ATP1B4: variants seen among roughly 807,000 people sequenced by gnomAD.
ATP1B4 encodes ATPase Na+/K+ transporting family member beta 4.
Under a neutral mutation model 29.6 loss-of-function variants are expected in ATP1B4, and 32 were observed. The observed-to-expected ratio is 1.08, with a 90% CI of 0.82 to 1.45. ATP1B4 has a LOEUF of 1.45. Ranked by LOEUF, ATP1B4 falls within the 40% of genes most tolerant of loss-of-function variation. ATP1B4 has a pLI of 0.00. For missense variants in ATP1B4, 323 were observed against 276.2 expected, an observed-to-expected ratio of 1.17 and a Z score of -1.20; for synonymous variants, 127 against 102.1, an observed-to-expected ratio of 1.24 and a Z score of -1.47.
chrX:120,379,093 C>T (rs2147258272), intron 7 of ATP1B4, among the ~76,000 whole-genome samples: 1 of 111,649 alleles, frequency 9.0e-6, no homozygotes, highest in South Asian at 3.8e-4. Context: ...TACCAATGTG[C>T]TTAAACATGC....
In ATP1B4 at chrX:120,378,792, A is replaced by C. The variant is rs957285658; in HGVS notation, c.912+19A>C. 8.5e-7 allele frequency: 1 copy of C among 1,170,463 alleles called. No individual in the cohort carries two copies. The highest frequency in any genetic ancestry group is 1.2e-6 in the Non-Finnish European group (1 of 859,938). On this transcript the variant is annotated intron_variant, in intron 7 of 7. Transcript: ENST00000218008. ...GACTCACGTAAGCTGTATTCCCTTT[A>C]GTCATTGCTGTCAGAAAGGGCTCAG...
chrX:120,377,361 G>C (rs910029273), intron 6 of ATP1B4, among the ~76,000 whole-genome samples: 1 of 112,491 alleles, frequency 8.9e-6, no homozygotes, highest in African/African-American at 3.2e-5. Context: ...GAAAAGTGAA[G>C]ATGAGCTCTG....
intron 4 of ATP1B4, among the ~76,000 whole-genome samples, chrX:120,374,775 ATATATATATATTATATACCCT>A (rs1569355290): frequency 0.027 from 17 of 623 alleles, 1 homozygote; most frequent in Non-Finnish European, 0.046. Flanking sequence ...TATATATATA[ATATATATATATTATATACCCT>A]TATATATATT....
rs562363505 is a variant in ATP1B4, at chrX:120,364,442, T to C, written c.64-2083T>C. On this transcript the variant is annotated intron_variant, in intron 1 of 7. Coordinates refer to ENST00000218008, the MANE Select transcript of ATP1B4 (RefSeq NM_001142447.3). ...CATCAGGAATTTTAAGTCAGGCAGG[T>C]ATCACTGATATTTGGTTAGGACCCA... 8.1e-5 allele frequency among the ~76,000 whole-genome samples: 9 copies of C among 111,257 alleles called. No individual in the cohort carries two copies. The South Asian group carries it at 3.6e-3, about 44-fold the overall frequency.
At chrX:120,365,139 A>T (rs1427320937) in intron 1 of ATP1B4, among the ~76,000 whole-genome samples, 1 of 111,801 alleles carries the variant, frequency 8.9e-6, no homozygotes, top group East Asian at 2.8e-4. Flanking sequence ...AGGTTCCGAG[A>T]CCGTCAACTC....
At chrX:120,379,362 A>G (rs923382287) in intron 7 of ATP1B4, 111 bp from the exon 8 acceptor site, 1 of 728,019 alleles carries the variant, frequency 1.4e-6, no homozygotes, top group Non-Finnish European at 2.0e-6. Flanking sequence ...AATTGGCATC[A>G]TGGGATTTAC....
At chrX:120,374,769 T>C (rs865814496) in intron 4 of ATP1B4, among the ~76,000 whole-genome samples, 2 of 17,372 alleles carry the variant, frequency 1.2e-4, no homozygotes, top group Non-Finnish European at 1.8e-4. Context: ...ATATTATATA[T>C]ATATAATATA....
chrX:120,371,379 C>T (rs1482669403), intron 4 of ATP1B4, among the ~76,000 whole-genome samples, 169 bp downstream of exon 4: 1 of 111,808 alleles, frequency 8.9e-6, no homozygotes, highest in Admixed American at 9.5e-5. Flanking sequence ...ATCAGAATTG[C>T]TCTAGTGTGT....
chrX:120,371,013 G>T lies in ATP1B4; in HGVS notation c.458-93G>T. The T allele has an allele frequency of 2.9e-6, 3 of 1,024,158 alleles. No individual in the cohort carries two copies. In the South Asian group the frequency reaches 6.1e-5, roughly 21 times the overall value. 84.4% of individuals were successfully genotyped at this position (1,024,158 alleles called of 1,213,427 possible). A position where few individuals can be genotyped will look rare whatever the true frequency, so the allele number is the denominator to read the frequency against. On this transcript the variant is annotated intron_variant, in intron 3 of 7. Coordinates refer to ENST00000218008, the MANE Select transcript of ATP1B4 (RefSeq NM_001142447.3). ...GGCAAATTATGGTTCTTTTCATTTT[G>T]ATTGCCTGGGGGGAAATGGTTTCAT...
In ATP1B4 at chrX:120,383,139, CT is replaced by C. The variant is rs752436000; in HGVS notation, c.*3512del. The C allele has an allele frequency of 1.7e-4, 19 of 112,105 alleles. No homozygotes were observed. In the East Asian group the frequency reaches 5.0e-3, roughly 30 times the overall value. The allele number at this position is 112,105 out of a possible 1,213,427, so 9.2% of individuals were successfully genotyped here. ...CCCTGAAATCATTATCCTAAAGTAA[CT>C]TTTTTTAGGCACCTATTTTCTGGGG... On this transcript the variant is annotated 3_prime_UTR_variant, in exon 8 of 8. Coordinates refer to ENST00000218008, the MANE Select transcript of ATP1B4 (RefSeq NM_001142447.3).
intron 6 of ATP1B4, 61 bp from the exon 7 acceptor site, chrX:120,378,617 A>C: frequency 2.1e-6 from 2 of 961,095 alleles, no homozygotes; most frequent in East Asian, 6.1e-5. Flanking sequence ...AACTCCCTTT[A>C]GCTCAGACTC....
rs992734361 is a variant in ATP1B4, at chrX:120,380,226, A to G, written c.*592A>G. 1 of 107,706 alleles carries G rather than the reference A, an allele frequency of 9.3e-6. No homozygotes were observed. Among genetic ancestry groups the G allele is most frequent in the African/African-American group, 3.4e-5 (1 of 29,606 alleles). The allele number at this position is 107,706 out of a possible 1,213,427, so 8.9% of individuals were successfully genotyped here. On this transcript the variant is annotated 3_prime_UTR_variant, in exon 8 of 8. Coordinates refer to ENST00000218008, the MANE Select transcript of ATP1B4 (RefSeq NM_001142447.3). Reference sequence around the variant, plus strand: ...ACAGAGTGAGATCCTGTCTCTGAAGAAAAAAAAAACCTGCCTGGCAAGGTC... The same window carrying G: ...ACAGAGTGAGATCCTGTCTCTGAAGGAAAAAAAAACCTGCCTGGCAAGGTC...
Position 120,375,640 on chromosome X carries a change from G to T in ATP1B4, c.759+72G>T, listed in dbSNP as rs1184585445. On this transcript the variant is annotated intron_variant, in intron 5 of 7. Transcript: ENST00000218008. Reference sequence around the variant, plus strand: ...TAGGAGGGCTCTGGCCACTCCATTTGTCTTGGTCTCTGTCTTCACACACCA... The same window carrying T: ...TAGGAGGGCTCTGGCCACTCCATTTTTCTTGGTCTCTGTCTTCACACACCA... 1.1e-5 allele frequency: 10 copies of T among 926,421 alleles called. No homozygotes were observed. The Admixed American group carries it at 2.9e-4, about 27-fold the overall frequency. The allele number at this position is 926,421 out of a possible 1,213,427, so 76.3% of individuals were successfully genotyped here. A position where few individuals can be genotyped will look rare whatever the true frequency, so the allele number is the denominator to read the frequency against.
intron 1 of ATP1B4, among the ~76,000 whole-genome samples, chrX:120,362,757 C>T (rs952210539): frequency 3.0e-4 from 34 of 111,896 alleles, no homozygotes; most frequent in Admixed American, 7.6e-4. Flanking sequence ...CTCTCCAGAA[C>T]CCCTCATTAC....
chrX:120,373,797 C>T (rs944517379), intron 4 of ATP1B4, among the ~76,000 whole-genome samples: 2 of 111,596 alleles, frequency 1.8e-5, no homozygotes, highest in Non-Finnish European at 3.8e-5. Flanking sequence ...CCCGTAGAGA[C>T]CCTGTGGTTG....
intron 2 of ATP1B4, among the ~76,000 whole-genome samples, chrX:120,370,433 C>T (rs755765588): frequency 2.1e-4 from 23 of 111,721 alleles, no homozygotes; most frequent in African/African-American, 7.5e-4. Flanking sequence ...TTTCCCTCTG[C>T]AATACTTTTA....
At chrX:120,374,765 TA>T (rs1424724407) in intron 4 of ATP1B4, among the ~76,000 whole-genome samples, 15 of 23,007 alleles carry the variant, frequency 6.5e-4, no homozygotes, top group African/African-American at 9.7e-4. Flanking sequence ...ATATATATTA[TA>T]TATATATAAT....
chrX:120,369,950 A>C (rs1352529232), intron 2 of ATP1B4, among the ~76,000 whole-genome samples: 2 of 111,785 alleles, frequency 1.8e-5, no homozygotes, highest in African/African-American at 6.5e-5. Context: ...CGTTAAGGAA[A>C]GACTGAATTT....
rs1436354694 is a variant in ATP1B4, at chrX:120,382,477, G to C, written c.*2843G>C. On this transcript the variant is annotated 3_prime_UTR_variant, in exon 8 of 8. Coordinates refer to ENST00000218008, the MANE Select transcript of ATP1B4 (RefSeq NM_001142447.3). ...CAAGATTCAGTAGTAAAAGATAATA[G>C]AATGTTAGATCTGGAAAGGATATTA... The C allele has an allele frequency of 8.9e-6, 1 of 112,053 alleles. No individual in the cohort carries two copies. The highest frequency in any genetic ancestry group is 1.9e-5 in the Non-Finnish European group (1 of 53,166). The allele number at this position is 112,053 out of a possible 1,213,427, so 9.2% of individuals were successfully genotyped here. A position where few individuals can be genotyped will look rare whatever the true frequency, so the allele number is the denominator to read the frequency against.
Sources: allele counts gnomAD v4.1 joint callset (sites outside exome capture counted in the v4.1 genomes callset), GRCh38; gene constraint gnomAD v4.1.1; transcripts MANE v1.5; gene names NCBI Gene and HGNC (gene_info 2026-07-23, HGNC 2026-07-21).